Variants in TRAPPC9 observed in about 807,000 individuals in gnomAD.
The protein encoded by TRAPPC9 is trafficking protein particle complex subunit 9.
TRAPPC9 carries 83 observed loss-of-function variants against 124.0 expected under a neutral mutation model. The observed-to-expected ratio is 0.67, with a 90% CI of 0.56 to 0.80. The LOEUF is 0.80. Ranked by LOEUF, TRAPPC9 falls within the 30% of genes least tolerant of loss-of-function variation. The pLI is 0.00. For missense variants in TRAPPC9, 1,302 were observed against 1,508.3 expected (o/e 0.86, Z 2.27); for synonymous variants, 638 against 617.5 (o/e 1.03, Z -0.49).
chr8:140,012,522 G>C (rs139186745), intron 18 of TRAPPC9, among the ~76,000 whole-genome samples: 2 of 152,338 alleles, frequency 1.3e-5, no homozygotes, highest in Admixed American at 1.3e-4. Context: ...CCGACAGCCC[G>C]ATAAGGAGGC....
intron 17 of TRAPPC9, among the ~76,000 whole-genome samples, chr8:140,066,033 T>G (rs964516107): frequency 6.6e-6 from 1 of 152,200 alleles, no homozygotes; most frequent in Non-Finnish European, 1.5e-5. Context: ...CCATGCTAGA[T>G]GCCAGTAAGA....
chr8:140,427,222 C>T (rs1435730117), intron 4 of TRAPPC9, among the ~76,000 whole-genome samples: 2 of 151,552 alleles, frequency 1.3e-5, no homozygotes, highest in African/African-American at 4.9e-5. Flanking sequence ...ACAAGTATGA[C>T]AATTCCTTAT....
At chr8:139,947,347 C>T (rs886465834) in intron 19 of TRAPPC9, among the ~76,000 whole-genome samples, 30 of 152,136 alleles carry the variant, frequency 2.0e-4, no homozygotes, top group South Asian at 4.1e-4. Flanking sequence ...GGTTCTGTAG[C>T]CAGGGCAGGC....
chr8:140,385,262 A>G (rs1446563396), intron 7 of TRAPPC9, among the ~76,000 whole-genome samples: 1 of 152,248 alleles, frequency 6.6e-6, no homozygotes, highest in Non-Finnish European at 1.5e-5. Flanking sequence ...TAAAAGAACT[A>G]GAGAAGCAAG....
Position 140,405,702 on chromosome 8 carries a change from C to A in TRAPPC9, c.887-4G>T. ...ATGCCATTGGTGGTGAGGGCACCTG[C>A]AAACCAAGAGGAAGAAAAGAAATAA... On this transcript the variant is annotated splice_polypyrimidine_tract_variant and splice_region_variant and intron_variant, in intron 5 of 22. Coordinates refer to ENST00000438773, the MANE Select transcript of TRAPPC9 (RefSeq NM_001160372.4). The A allele has an allele frequency of 6.2e-7, 1 of 1,614,082 alleles. No homozygotes were observed. Among genetic ancestry groups the A allele is most frequent in the Non-Finnish European group, 8.5e-7 (1 of 1,179,986 alleles).
chr8:140,121,462 G>A (rs1343394308), intron 17 of TRAPPC9, among the ~76,000 whole-genome samples: 1 of 152,194 alleles, frequency 6.6e-6, no homozygotes, highest in Non-Finnish European at 1.5e-5. Flanking sequence ...AGATACTCTG[G>A]CAGTAAGGAA....
chr8:139,741,195 C>T (rs766420037), intron 21 of TRAPPC9, among the ~76,000 whole-genome samples: 5 of 152,162 alleles, frequency 3.3e-5, no homozygotes, highest in East Asian at 1.9e-4. Flanking sequence ...TCCCCCCGGG[C>T]GTGATGCCCC....
intron 12 of TRAPPC9, among the ~76,000 whole-genome samples, chr8:140,288,463 A>G (rs2065553009): frequency 6.6e-6 from 1 of 152,236 alleles, no homozygotes; most frequent in Admixed American, 6.5e-5. Context: ...GCTAGTGAAC[A>G]AAACAGGCAG....
At chr8:140,278,699 G>A (rs1208306618) in intron 14 of TRAPPC9, among the ~76,000 whole-genome samples, 1 of 152,132 alleles carries the variant, frequency 6.6e-6, no homozygotes, top group Non-Finnish European at 1.5e-5. Context: ...CCATCAGGCC[G>A]CCTGCTCCTG....
At chr8:139,924,048 C>T (rs1832665233) in intron 19 of TRAPPC9, among the ~76,000 whole-genome samples, 1 of 152,162 alleles carries the variant, frequency 6.6e-6, no homozygotes, top group East Asian at 1.9e-4. Flanking sequence ...GGCCAGGACC[C>T]CACAGGCCTT....
At chr8:139,838,606 A>G (rs1826517231) in intron 21 of TRAPPC9, among the ~76,000 whole-genome samples, 1 of 152,166 alleles carries the variant, frequency 6.6e-6, no homozygotes, top group African/African-American at 2.4e-5. Flanking sequence ...CCGCAGAGTT[A>G]GTCCACTTTC....
intron 17 of TRAPPC9, among the ~76,000 whole-genome samples, chr8:140,083,672 GTTTTTGTT>G (rs751720467): frequency 8.0e-4 from 66 of 82,622 alleles, no homozygotes; most frequent in African/African-American, 1.5e-3. Context: ...TTTTGTTTTT[GTTTTTGTT>G]TTTTGAGATG....
At chr8:140,025,878 A>C (rs1041131861) in intron 17 of TRAPPC9, among the ~76,000 whole-genome samples, 1 of 152,240 alleles carries the variant, frequency 6.6e-6, no homozygotes, top group East Asian at 1.9e-4. Flanking sequence ...AACAATTCTA[A>C]GTACACAGTT....
chr8:139,859,107 G>T (rs1827977485), intron 21 of TRAPPC9, among the ~76,000 whole-genome samples: 1 of 151,642 alleles, frequency 6.6e-6, no homozygotes, highest in Non-Finnish European at 1.5e-5. Flanking sequence ...GAGGGATTTT[G>T]TTTCTCCAGG....
At position 139,732,123 on chromosome 8, in the gene TRAPPC9, C is replaced by T; in HGVS notation, c.3135G>A (p.Val1045=). 6.2e-7 allele frequency: 1 copy of T among 1,606,628 alleles called. No homozygotes were observed. The highest frequency in any genetic ancestry group is 8.5e-7 in the Non-Finnish European group (1 of 1,177,224). Residue 1045 remains valine (V), a synonymous_variant, in exon 22 of 23, where the codon GTG becomes GTA. Coordinates refer to ENST00000438773, the MANE Select transcript of TRAPPC9 (RefSeq NM_001160372.4). ...TGCGCGGGCTCCGGTTGGTCAGCCG[C>T]ACCTCCAGGCGCACGGGGTCGCCCA... The part of the protein sequence containing the change: ...CQVGDPVRLE[V]RLTNRSPRSV...
chr8:140,275,365 T>C (rs947722762), intron 15 of TRAPPC9, among the ~76,000 whole-genome samples: 2 of 152,200 alleles, frequency 1.3e-5, no homozygotes, highest in Non-Finnish European at 2.9e-5. Flanking sequence ...AGCTGATGGA[T>C]GCTGAGGTCT....
chr8:139,760,634 G>A (rs1349624154), intron 21 of TRAPPC9, among the ~76,000 whole-genome samples: 1 of 152,212 alleles, frequency 6.6e-6, no homozygotes. Context: ...GTATCTGACA[G>A]GGCTCCTCGC....
At chr8:140,423,877 A>G (rs891622747) in intron 5 of TRAPPC9, among the ~76,000 whole-genome samples, 2 of 152,202 alleles carry the variant, frequency 1.3e-5, no homozygotes, top group Admixed American at 1.3e-4. Flanking sequence ...CAAAAACCAC[A>G]TACCATTATA....
chr8:140,208,756 G>A (rs887274907), intron 17 of TRAPPC9, among the ~76,000 whole-genome samples: 1 of 152,212 alleles, frequency 6.6e-6, no homozygotes, highest in Non-Finnish European at 1.5e-5. Context: ...AAAGTCTACT[G>A]GGGAAACCAC....
Sources: allele counts gnomAD v4.1 joint callset (sites outside exome capture counted in the v4.1 genomes callset), GRCh38; gene constraint gnomAD v4.1.1; transcripts MANE v1.5; gene names NCBI Gene and HGNC (gene_info 2026-07-23, HGNC 2026-07-21).